FSD1L: variants seen among roughly 807,000 people sequenced by gnomAD.
FSD1L encodes fibronectin type III and SPRY domain containing 1 like.
A neutral mutation model predicts 71.6 loss-of-function variants in FSD1L; 45 were observed. That is an observed-to-expected ratio of 0.63 (90% CI 0.49 to 0.81). The LOEUF is 0.81. Among genes scored for constraint, FSD1L ranks in the 30% least tolerant of loss-of-function variants. The probability of loss-of-function intolerance (pLI) is 0.00; values close to 1 mark genes in which losing one functional copy is unlikely to be tolerated. For missense variants in FSD1L, 561 were observed against 618.1 expected, an observed-to-expected ratio of 0.91 and a Z score of 0.98; for synonymous variants, 197 against 207.2, an observed-to-expected ratio of 0.95 and a Z score of 0.42.
At chr9:105,454,999 T>G (rs1830275779) in intron 1 of FSD1L, among the ~76,000 whole-genome samples, 1 of 152,220 alleles carries the variant, frequency 6.6e-6, no homozygotes, top group African/African-American at 2.4e-5. Context: ...TTTTTCACCT[T>G]CTTGCATCAC....
intron 6 of FSD1L, among the ~76,000 whole-genome samples, chr9:105,479,578 T>C (rs1392670928): frequency 6.6e-6 from 1 of 152,244 alleles, no homozygotes; most frequent in Non-Finnish European, 1.5e-5. Context: ...TGGATAATTA[T>C]GTGCTTCAGA....
Position 105,484,361 on chromosome 9 carries a change from T to C in FSD1L, c.465-20T>C. 6.9e-7 allele frequency: 1 copy of C among 1,452,156 alleles called. No homozygotes were observed. The highest frequency in any genetic ancestry group is 1.5e-5 in the South Asian group (1 of 65,072). 90.0% of individuals were successfully genotyped at this position (1,452,156 alleles called of 1,614,324 possible). A position where few individuals can be genotyped will look rare whatever the true frequency, so the allele number is the denominator to read the frequency against. On this transcript the variant is annotated intron_variant, in intron 6 of 13. Transcript: ENST00000481272. ...CTTCCTATTTCTTTATTTTAAAAAG[T>C]ATGTTTGTGTTTACCGTAGAGTCAC...
In FSD1L at chr9:105,485,332, CAA is replaced by C. The variant is rs148779932; in HGVS notation, c.586+831_586+832del. Among the ~76,000 whole-genome samples, 967 of 152,200 alleles carry C rather than the reference CAA, an allele frequency of 6.4e-3. 4 individuals are homozygous for C. Among genetic ancestry groups the C allele is most frequent in the African/African-American group, 0.019 (790 of 41,544 alleles). On this transcript the variant is annotated intron_variant, in intron 7 of 13. Coordinates refer to ENST00000481272, the MANE Select transcript of FSD1L (RefSeq NM_001145313.3). ...CCAGACACATGCAAAAAAGGCAAAA[CAA>C]GAGAGTTAACCTCACTTTGTAAGAA... is the stretch of plus-strand genomic sequence containing the variant.
intron 13 of FSD1L, among the ~76,000 whole-genome samples, chr9:105,541,794 G>C (rs761201900): frequency 3.3e-5 from 5 of 152,100 alleles, no homozygotes; most frequent in African/African-American, 1.2e-4. Flanking sequence ...ATAGTGGACC[G>C]TTCCACACAA....
intron 10 of FSD1L, among the ~76,000 whole-genome samples, chr9:105,529,218 TTCC>T (rs1285514163): frequency 6.6e-6 from 1 of 152,220 alleles, no homozygotes; most frequent in Non-Finnish European, 1.5e-5. Context: ...AGTGTGGCGA[TTCC>T]TCAAGGATCT....
At chr9:105,451,745 A>C (rs919713104) in intron 1 of FSD1L, among the ~76,000 whole-genome samples, 10 of 152,206 alleles carry the variant, frequency 6.6e-5, no homozygotes, top group African/African-American at 2.4e-4. Flanking sequence ...ATAAAATCCC[A>C]AAGGTTTCTT....
chr9:105,463,687 T>C (rs1830866213), intron 2 of FSD1L, among the ~76,000 whole-genome samples: 1 of 152,244 alleles, frequency 6.6e-6, no homozygotes. Flanking sequence ...TATCAAAGTC[T>C]GAGCTATCTG....
chr9:105,515,964 A>G (rs1334191381), intron 10 of FSD1L, among the ~76,000 whole-genome samples: 3 of 152,176 alleles, frequency 2.0e-5, no homozygotes, highest in Non-Finnish European at 2.9e-5. Flanking sequence ...TGCTGCCAGC[A>G]CAGCAGCAGT....
At chr9:105,493,890 C>T (rs1202239472) in intron 7 of FSD1L, among the ~76,000 whole-genome samples, 1 of 152,206 alleles carries the variant, frequency 6.6e-6, no homozygotes. Flanking sequence ...TGATGGGCTT[C>T]CCTTTGTGGA....
At chr9:105,521,580 G>T in intron 10 of FSD1L, 1 of 1,613,470 alleles carries the variant, frequency 6.2e-7, no homozygotes. Context: ...GATCCAACAA[G>T]AGGAAAAACC....
chr9:105,476,561 T>C (rs1351731485), intron 5 of FSD1L, among the ~76,000 whole-genome samples: 1 of 152,202 alleles, frequency 6.6e-6, no homozygotes, highest in African/African-American at 2.4e-5. Flanking sequence ...GATTTATTTT[T>C]AGGTTATGGT....
chr9:105,456,917 ATC>A (rs1722251366), intron 1 of FSD1L, among the ~76,000 whole-genome samples: 1 of 152,184 alleles, frequency 6.6e-6, no homozygotes, highest in Non-Finnish European at 1.5e-5. Flanking sequence ...GCCTTTATTC[ATC>A]TCTGTTTATC....
chr9:105,476,830 A>C (rs965979319), intron 5 of FSD1L, among the ~76,000 whole-genome samples: 1 of 152,196 alleles, frequency 6.6e-6, no homozygotes, highest in Non-Finnish European at 1.5e-5. Context: ...TTTCAAAGAA[A>C]TATCTTCAGA....
chr9:105,495,392 G>C (rs1279385102), intron 7 of FSD1L, among the ~76,000 whole-genome samples: 8 of 152,164 alleles, frequency 5.3e-5, no homozygotes, highest in Non-Finnish European at 1.0e-4. Context: ...GATTTTCCAG[G>C]TGCCGTCTGT....
At chr9:105,522,232 C>T (rs1255998490) in intron 10 of FSD1L, 4 of 1,613,492 alleles carry the variant, frequency 2.5e-6, no homozygotes, top group East Asian at 2.2e-5. Flanking sequence ...GAGTTGGCCA[C>T]TGAGTGGTCA....
At chr9:105,497,661 CTTGATTAGCTT>C (rs1229677931) in intron 7 of FSD1L, among the ~76,000 whole-genome samples, 1 of 152,100 alleles carries the variant, frequency 6.6e-6, no homozygotes, top group African/African-American at 2.4e-5. Context: ...CACAGAATTC[CTTGATTAGCTT>C]TTTAATGTCC....
At chr9:105,469,220 A>G (rs77054194) in intron 4 of FSD1L, among the ~76,000 whole-genome samples, 2,539 of 152,318 alleles carry the variant, frequency 0.017, 60 homozygotes, top group African/African-American at 0.058. Flanking sequence ...TAATGCTGCA[A>G]TGAATGTGGG....
Position 105,448,129 on chromosome 9 carries a change from G to C in FSD1L, c.-92G>C. 7.4e-7 allele frequency: 1 copy of C among 1,347,684 alleles called. No homozygotes were observed. Among genetic ancestry groups the C allele is most frequent in the African/African-American group, 1.5e-5 (1 of 66,552 alleles). 83.5% of individuals were successfully genotyped at this position (1,347,684 alleles called of 1,614,324 possible). On this transcript the variant is annotated 5_prime_UTR_variant, in exon 1 of 14. Transcript: ENST00000481272. ...TGCCGGTGCGGGCTGGGGCAGTGCA[G>C]TGAGTAGCGGTCTTGGGGTGTGCGA...
At chr9:105,511,701 C>T (rs554304890) in intron 9 of FSD1L, among the ~76,000 whole-genome samples, 1 of 152,090 alleles carries the variant, frequency 6.6e-6, no homozygotes, top group Admixed American at 6.5e-5. Flanking sequence ...ACAATAGCTC[C>T]AATGCATAGT....
Sources: allele counts gnomAD v4.1 joint callset (sites outside exome capture counted in the v4.1 genomes callset), GRCh38; gene constraint gnomAD v4.1.1; transcripts MANE v1.5; gene names NCBI Gene and HGNC (gene_info 2026-07-23, HGNC 2026-07-21).